MYO7B: variants seen among roughly 807,000 people sequenced by gnomAD.
The protein encoded by MYO7B is myosin VIIB.
In MYO7B, 212 loss-of-function variants were observed where a neutral mutation model predicts 259.7. The ratio of observed to expected loss-of-function variants is 0.82; its 90% confidence interval spans 0.73 to 0.91. MYO7B has a LOEUF of 0.91. MYO7B is among the 40% of genes least tolerant of loss of function. MYO7B has a pLI of 0.00. For synonymous variants in MYO7B, 1,197 were observed against 1,166.4 expected, an observed-to-expected ratio of 1.03 and a Z score of -0.54; for missense variants, 2,732 against 2,813.5, an observed-to-expected ratio of 0.97 and a Z score of 0.66.
At chr2:127,538,476 T>C (rs762610038) in intron 1 of MYO7B, among the ~76,000 whole-genome samples, 14 of 152,168 alleles carry the variant, frequency 9.2e-5, no homozygotes, top group Admixed American at 2.0e-4. Context: ...CAGTGCAACC[T>C]AGAGGGTCTT....
At position 127,635,740 on chromosome 2, in the gene MYO7B, C is replaced by A; in HGVS notation, c.5839C>A (p.Arg1947Ser). 1 of 1,603,548 alleles carries A rather than the reference C, an allele frequency of 6.2e-7. No individual in the cohort carries two copies. Among genetic ancestry groups the A allele is most frequent in the Non-Finnish European group, 8.5e-7 (1 of 1,175,352 alleles). The change falls in exon 44 of 48, where the codon CGC becomes AGC. Residue 1947 changes from arginine (R) to serine (S), a missense_variant. Around this residue, in one of 3 missense-constraint regions of MYO7B, gnomAD observed 821 missense variants for 769.3 expected, o/e 1.07. Transcript: ENST00000409816. ...HYHQELPKYLRGFHKCSREDA... is the reference protein window; with the variant it reads ...HYHQELPKYLSGFHKCSREDA... Reference sequence around the variant, plus strand: ...CACCCAGGAGCTGCCCAAGTACCTGCGCGGATTCCACAAGTGTTCGCGGGA... The same window carrying A: ...CACCCAGGAGCTGCCCAAGTACCTGAGCGGATTCCACAAGTGTTCGCGGGA...
Position 127,636,647 on chromosome 2 carries a change from G to A in MYO7B, c.6207+19G>A. ...GACCAAGGTAGCTGCTGGGCCTCCGGAGGGGCTGGGGGCCACCAGGTCCAG... is the reference window on the plus strand; with the variant it reads ...GACCAAGGTAGCTGCTGGGCCTCCGAAGGGGCTGGGGGCCACCAGGTCCAG... On this transcript the variant is annotated intron_variant, in intron 46 of 47. Coordinates refer to ENST00000409816, the MANE Select transcript of MYO7B (RefSeq NM_001393586.1). The surrounding 1 kb of genome is among the most constrained non-coding windows in gnomAD (Gnocchi z 4.5). 1 of 1,609,812 alleles carries A rather than the reference G, an allele frequency of 6.2e-7. No individual in the cohort carries two copies.
At position 127,609,972 on chromosome 2, in the gene MYO7B, A is replaced by G. The variant is rs775608793; in HGVS notation, c.3148A>G (p.Arg1050Gly). Reference sequence around the variant, plus strand: ...GCGGCAGATCCATGACACGCTGGGCAGGGAGCACGGTGCCCAGGTTCCACA... The same window carrying G: ...GCGGCAGATCCATGACACGCTGGGCGGGGAGCACGGTGCCCAGGTTCCACA... ...VMRQIHDTLGREHGAQVPQHS... is the reference protein window; with the variant it reads ...VMRQIHDTLGGEHGAQVPQHS... Residue 1050 changes from arginine to glycine, a missense_variant, in exon 24 of 48, where the codon AGG (arginine) becomes GGG (glycine). Transcript: ENST00000409816. This position sits in a 1 kb window ranked among gnomAD's most constrained non-coding sequence, Gnocchi z 6.9. The G allele has an allele frequency of 1.1e-5, 18 of 1,608,172 alleles. No individual in the cohort carries two copies. The highest frequency in any genetic ancestry group is 1.5e-5 in the Non-Finnish European group (18 of 1,177,376).
At chr2:127,553,246 T>A (rs1187638353) in intron 1 of MYO7B, among the ~76,000 whole-genome samples, 1 of 152,196 alleles carries the variant, frequency 6.6e-6, no homozygotes, top group Non-Finnish European at 1.5e-5. Context: ...ATGGGGGATC[T>A]TTTTTGGTTC....
At chr2:127,610,880 G>A (rs1680357676) in intron 24 of MYO7B, among the ~76,000 whole-genome samples, 1 of 152,224 alleles carries the variant, frequency 6.6e-6, no homozygotes, top group Non-Finnish European at 1.5e-5. Flanking sequence ...ATCTCTAGAG[G>A]TATGGGCTCT....
chr2:127,602,463 C>T (rs1198937917), intron 19 of MYO7B, among the ~76,000 whole-genome samples: 3 of 151,956 alleles, frequency 2.0e-5, no homozygotes, highest in Non-Finnish European at 4.4e-5. Context: ...GCCTGGTCAA[C>T]GTAGTGAGAA....
chr2:127,576,765 G>A lies in MYO7B; in HGVS notation c.849+57G>A. 7.8e-7 allele frequency: 1 copy of A among 1,280,892 alleles called. No homozygotes were observed. Among genetic ancestry groups the A allele is most frequent in the Non-Finnish European group, 1.1e-6 (1 of 899,128 alleles). The allele number at this position is 1,280,892 out of a possible 1,614,324, so 79.3% of individuals were successfully genotyped here. On this transcript the variant is annotated intron_variant, in intron 8 of 47. Coordinates refer to ENST00000409816, the MANE Select transcript of MYO7B (RefSeq NM_001393586.1). This position sits in a 1 kb window ranked among gnomAD's most constrained non-coding sequence, Gnocchi z 4.9. ...CAGTGGAAGGGAGGAAAAAGAGCTT[G>A]TGCCGCTCCACCCTCCGCGACAGCT...
rs1184738413 is a variant in MYO7B, at chr2:127,586,511, A to C, written c.1690+1598A>C. Among the ~76,000 whole-genome samples the C allele has an allele frequency of 6.6e-6, 1 of 152,138 alleles. No homozygotes were observed. The highest frequency in any genetic ancestry group is 1.5e-5 in the Non-Finnish European group (1 of 68,022). On this transcript the variant is annotated intron_variant, in intron 14 of 47. Transcript: ENST00000409816. This position sits in a 1 kb window ranked among gnomAD's most constrained non-coding sequence, Gnocchi z 4.8. ...TTGGGAGGCCAAGGGAGAAAGGGAA[A>C]GGTGCCGTGGCTCCTTCATAGTTCC...
intron 1 of MYO7B, among the ~76,000 whole-genome samples, chr2:127,540,681 G>C (rs559290135): frequency 2.8e-4 from 43 of 152,126 alleles, no homozygotes; most frequent in Non-Finnish European, 5.0e-4. Flanking sequence ...GCTTCTCAAG[G>C]GATAGCTCTA....
intron 27 of MYO7B, among the ~76,000 whole-genome samples, 176 bp from the exon 28 acceptor site, chr2:127,621,805 GT>G (rs1680851461): frequency 1.3e-5 from 2 of 152,236 alleles, no homozygotes. Context: ...TTTAAAACGT[GT>G]TGCCAAACTG....
chr2:127,576,203 A>C lies in MYO7B; in HGVS notation c.736-392A>C, dbSNP rs1379354519. Among the ~76,000 whole-genome samples the C allele has an allele frequency of 6.6e-6, 1 of 151,900 alleles. No homozygotes were observed. The highest frequency in any genetic ancestry group is 1.5e-5 in the Non-Finnish European group (1 of 67,936). On this transcript the variant is annotated intron_variant, in intron 7 of 47. Transcript: ENST00000409816. This position sits in a 1 kb window ranked among gnomAD's most constrained non-coding sequence, Gnocchi z 4.9. ...GACAGAGCAAGACCTTCTCTCGGAA[A>C]AAAAAAAAATACTGAAGGCCTAGGG...
intron 19 of MYO7B, among the ~76,000 whole-genome samples, chr2:127,599,946 C>T (rs372957133): frequency 1.3e-5 from 2 of 152,150 alleles, no homozygotes; most frequent in South Asian, 2.1e-4. Context: ...CGTCTATATT[C>T]ATGACGTCTG....
intron 1 of MYO7B, among the ~76,000 whole-genome samples, chr2:127,540,223 G>A (rs955973920): frequency 1.3e-5 from 2 of 151,568 alleles, no homozygotes; most frequent in Non-Finnish European, 2.9e-5. Context: ...GAGTGCAATG[G>A]CGTGATCTCG....
Position 127,636,686 on chromosome 2 carries a change from T to TG in MYO7B, c.6207+62dup. On this transcript the variant is annotated intron_variant, in intron 46 of 47. Coordinates refer to ENST00000409816, the MANE Select transcript of MYO7B (RefSeq NM_001393586.1). The surrounding 1 kb of genome is among the most constrained non-coding windows in gnomAD (Gnocchi z 4.5). ...CACCAGGTCCAGGGACCTGTGCAGG[T>TG]GGGGCTGCAGTCATCTCTGCGGTGT... The TG allele has an allele frequency of 6.2e-7, 1 of 1,606,650 alleles. No individual in the cohort carries two copies. The highest frequency in any genetic ancestry group is 1.1e-5 in the South Asian group (1 of 90,544).
chr2:127,596,436 C>G, intron 18 of MYO7B, 26 bp from the exon 19 acceptor site: 1 of 1,577,412 alleles, frequency 6.3e-7, no homozygotes, highest in Non-Finnish European at 8.7e-7. Context: ...GTGAGCAGCC[C>G]AGTGACGGCG....
chr2:127,578,143 C>T lies in MYO7B; in HGVS notation c.860C>T (p.Thr287Ile), dbSNP rs780503660. The change falls in exon 9 of 48, where the codon ACT becomes ATT. Residue 287 changes from threonine (T) to isoleucine (I), a missense_variant. Thr to Ile is a moderately conservative substitution (Grantham distance 89). Coordinates refer to ENST00000409816, the MANE Select transcript of MYO7B (RefSeq NM_001393586.1). ...CACCCTGTCCCTCAGGGGAACTGCA[C>T]TTCCTGTGAGGGGCTCAACGACGCC... ...EYHYLTMGNC[T>I]SCEGLNDAKD... is the part of the protein sequence containing the mutation. 7 of 1,613,778 alleles carry T rather than the reference C, an allele frequency of 4.3e-6. No homozygotes were observed. The South Asian group carries it at 7.7e-5, about 18-fold the overall frequency.
rs3034060 is a variant in MYO7B at position 127,546,762 on chromosome 2, GTCCA to G, written c.-24+10970_-24+10973del. ...ATGCCTCACCTGCTTTCCTGGGTAG[GTCCA>G]TCCATCCATCCATCCATCCATCCAT... On this transcript the variant is annotated intron_variant, in intron 1 of 47. Transcript: ENST00000409816. This position sits in a 1 kb window ranked among gnomAD's most constrained non-coding sequence, Gnocchi z 4.2. 0.1 allele frequency among the ~76,000 whole-genome samples: 14,922 copies of G among 149,366 alleles called. 805 individuals carry two copies. The highest frequency in any genetic ancestry group is 0.12 in the Non-Finnish European group (7,953 of 67,422).
At chr2:127,616,605 T>C (rs10928775) in intron 26 of MYO7B, among the ~76,000 whole-genome samples, 2 of 152,074 alleles carry the variant, frequency 1.3e-5, no homozygotes, top group Non-Finnish European at 2.9e-5. Flanking sequence ...TTGGCAAAGG[T>C]CCCCAGATAC....
chr2:127,622,108 G>A lies in MYO7B; in HGVS notation c.3645+7G>A. ...CACCTGGCTGGAGCTGCAGGTAGGG[G>A]CTGGCAGGGGTGAGAGCGGGCAGGG... is the stretch of plus-strand genomic sequence containing the variant. On this transcript the variant is annotated splice_region_variant and intron_variant, in intron 28 of 47. Transcript: ENST00000409816. The A allele has an allele frequency of 1.3e-6, 2 of 1,548,208 alleles. No homozygotes were observed. Among genetic ancestry groups the A allele is most frequent in the African/African-American group, 1.4e-5 (1 of 73,140 alleles).
Sources: allele counts gnomAD v4.1 joint callset (sites outside exome capture counted in the v4.1 genomes callset), GRCh38; gene constraint gnomAD v4.1.1; regional missense constraint gnomAD v4.1.1; non-coding constraint Gnocchi (gnomAD v3.1); transcripts MANE v1.5; gene names NCBI Gene and HGNC (gene_info 2026-07-23, HGNC 2026-07-21).